The following EEF1AKMT1 variants were observed in gnomAD, a reference collection of about 807,000 sequenced individuals.
EEF1AKMT1 encodes EEF1A lysine methyltransferase 1.
A neutral mutation model predicts 21.0 loss-of-function variants in EEF1AKMT1; 18 were observed. That is an observed-to-expected ratio of 0.86 (90% confidence interval 0.59 to 1.27). The LOEUF (loss-of-function observed/expected upper bound fraction) is 1.27, where lower values mean the gene tolerates loss of function less well. EEF1AKMT1 is among the 50% of genes most tolerant of loss of function. EEF1AKMT1 has a pLI of 0.00. For missense variants in EEF1AKMT1, 246 were observed against 258.6 expected (o/e 0.95, Z 0.33); for synonymous variants, 109 against 94.8 (o/e 1.15, Z -0.87).
At chr13:20,761,257 T>C (rs777613132) in intron 1 of EEF1AKMT1, among the ~76,000 whole-genome samples, 2 of 152,196 alleles carry the variant, frequency 1.3e-5, no homozygotes, top group Non-Finnish European at 2.9e-5. Context: ...CACCTCAATC[T>C]CCATTCTTAA....
chr13:20,731,267 G>A (rs1461680212), intron 4 of EEF1AKMT1, among the ~76,000 whole-genome samples: 1 of 152,194 alleles, frequency 6.6e-6, no homozygotes. Context: ...CCACCTTGAA[G>A]TTCTCAGATT....
At chr13:20,747,267 C>A in intron 2 of EEF1AKMT1, 1 of 258,040 alleles carries the variant, frequency 3.9e-6, no homozygotes, top group Admixed American at 4.0e-5. Flanking sequence ...AGCTTCCTAG[C>A]AAGCCAGAGG....
At chr13:20,764,814 A>G (rs1455844291) in intron 1 of EEF1AKMT1, among the ~76,000 whole-genome samples, 1 of 147,098 alleles carries the variant, frequency 6.8e-6, no homozygotes, top group Non-Finnish European at 1.5e-5. Flanking sequence ...CCTGCTATCA[A>G]TAAAAGTGCT....
intron 2 of EEF1AKMT1, among the ~76,000 whole-genome samples, chr13:20,740,632 C>T (rs2058864285): frequency 6.6e-6 from 1 of 152,152 alleles, no homozygotes; most frequent in Non-Finnish European, 1.5e-5. Flanking sequence ...TGAGACCCTG[C>T]TTCTACTAAA....
chr13:20,738,710 A>T (rs1263199358), intron 2 of EEF1AKMT1, among the ~76,000 whole-genome samples: 2 of 152,254 alleles, frequency 1.3e-5, no homozygotes, highest in Non-Finnish European at 2.9e-5. Context: ...CATTACACTG[A>T]ACGAAAGAAA....
intron 3 of EEF1AKMT1, among the ~76,000 whole-genome samples, chr13:20,736,233 A>G (rs2058825508): frequency 6.6e-6 from 1 of 152,194 alleles, no homozygotes; most frequent in Admixed American, 6.5e-5. Context: ...CCTATAAGAA[A>G]TCAGAATGAT....
chr13:20,738,161 G>A (rs958351323), intron 2 of EEF1AKMT1, among the ~76,000 whole-genome samples: 1 of 152,148 alleles, frequency 6.6e-6, no homozygotes, highest in Non-Finnish European at 1.5e-5. Context: ...AAGCTTCTAG[G>A]TTCAACCAGC....
At chr13:20,758,353 A>G (rs2058981863) in intron 1 of EEF1AKMT1, among the ~76,000 whole-genome samples, 1 of 152,198 alleles carries the variant, frequency 6.6e-6, no homozygotes, top group Non-Finnish European at 1.5e-5. Context: ...GAATCTACCT[A>G]TGACCAGGAA....
intron 1 of EEF1AKMT1, among the ~76,000 whole-genome samples, chr13:20,759,667 T>C (rs1427984780): frequency 6.7e-6 from 1 of 149,224 alleles, no homozygotes; most frequent in African/African-American, 2.5e-5. Flanking sequence ...CATTAAAAAG[T>C]GGGCAAAGTA....
rs1003572590 is a variant in EEF1AKMT1, at chr13:20,728,840, C to A, written c.*240G>T. 9.3e-6 allele frequency: 5 copies of A among 540,142 alleles called. No homozygotes were observed. Among genetic ancestry groups the A allele is most frequent in the Middle Eastern group, 5.0e-4 (1 of 1,984 alleles). 33.5% of individuals were successfully genotyped at this position (540,142 alleles called of 1,614,324 possible). A position where few individuals can be genotyped will look rare whatever the true frequency, so the allele number is the denominator to read the frequency against. ...TGTTAAATGAGGAGAGAAGATCAGG[C>A]AGATTCTAAGGTTTCTTCCAACTCG... On this transcript the variant is annotated 3_prime_UTR_variant, in exon 5 of 5. Coordinates refer to ENST00000382758, the MANE Select transcript of EEF1AKMT1 (RefSeq NM_001318939.2).
rs777092668 is a variant in EEF1AKMT1, at chr13:20,732,108, TCA to T, written c.239_240del (p.Val80GlufsTer4). On this transcript the variant is annotated frameshift_variant, in exon 4 of 5. Transcript: ENST00000382758. LOFTEE classifies it high-confidence loss of function. ...AVGEGGRIAC[V>X]SAPSVYQKLR... Reference sequence around the variant, plus strand: ...AGTTTCTGGTAAACACTAGGGGCACTCACACATGCGATTCTAGGAGACAAAAT... The same window carrying T: ...AGTTTCTGGTAAACACTAGGGGCACTCACATGCGATTCTAGGAGACAAAAT... 6.2e-7 allele frequency: 1 copy of T among 1,610,344 alleles called. No individual in the cohort carries two copies.
intron 1 of EEF1AKMT1, among the ~76,000 whole-genome samples, chr13:20,760,608 T>C (rs2058996687): frequency 6.6e-6 from 1 of 152,108 alleles, no homozygotes; most frequent in South Asian, 2.1e-4. Flanking sequence ...CAATATTGGG[T>C]GATGGGTTCA....
rs1011741530 is a variant in EEF1AKMT1 at position 20,728,895 on chromosome 13, T to A, written c.*185A>T. 1.5e-6 allele frequency: 1 copy of A among 678,106 alleles called. No homozygotes were observed. The highest frequency in any genetic ancestry group is 2.5e-6 in the Non-Finnish European group (1 of 407,754). The allele number at this position is 678,106 out of a possible 1,614,324, so 42.0% of individuals were successfully genotyped here. A position where few individuals can be genotyped will look rare whatever the true frequency, so the allele number is the denominator to read the frequency against. ...CCATGGATTCAGGTTGGCAGAAGACTGAGCTCTAGGGACGCCCTCCCTAAG... is the reference window on the plus strand; with the variant it reads ...CCATGGATTCAGGTTGGCAGAAGACAGAGCTCTAGGGACGCCCTCCCTAAG... On this transcript the variant is annotated 3_prime_UTR_variant, in exon 5 of 5. Transcript: ENST00000382758.
chr13:20,750,258 A>G (rs1449887146), intron 2 of EEF1AKMT1, among the ~76,000 whole-genome samples: 3 of 152,162 alleles, frequency 2.0e-5, no homozygotes, highest in Admixed American at 6.5e-5. Context: ...ATTGTTAACT[A>G]TAGTCACCCT....
chr13:20,733,653 T>G (rs995444315), intron 3 of EEF1AKMT1, among the ~76,000 whole-genome samples: 1 of 152,184 alleles, frequency 6.6e-6, no homozygotes, highest in Non-Finnish European at 1.5e-5. Flanking sequence ...AGTGGGAATA[T>G]ATGCATATAG....
chr13:20,732,438 TCTC>T (rs2058803157), intron 3 of EEF1AKMT1, among the ~76,000 whole-genome samples: 1 of 152,178 alleles, frequency 6.6e-6, no homozygotes, highest in Non-Finnish European at 1.5e-5. Flanking sequence ...TTCAAGCTAT[TCTC>T]CTGCTATTCC....
chr13:20,730,265 G>A (rs972224482), intron 4 of EEF1AKMT1, among the ~76,000 whole-genome samples: 7 of 152,238 alleles, frequency 4.6e-5, no homozygotes, highest in African/African-American at 1.7e-4. Context: ...GTGAATAAGC[G>A]TGCAGGCAAC....
At chr13:20,737,382 T>C (rs141630958) in intron 3 of EEF1AKMT1, among the ~76,000 whole-genome samples, 2 of 152,136 alleles carry the variant, frequency 1.3e-5, no homozygotes, top group South Asian at 2.1e-4. Flanking sequence ...AATAAATACA[T>C]ACATACATAT....
At position 20,764,917 on chromosome 13, in the gene EEF1AKMT1, A is replaced by ACACACACACC. The variant is rs71087097; in HGVS notation, c.-19-7301_-19-7300insGGTGTGTGTG. On this transcript the variant is annotated intron_variant, in intron 1 of 4. Coordinates refer to ENST00000382758, the MANE Select transcript of EEF1AKMT1 (RefSeq NM_001318939.2). ...CACACACACACACACACACACACAC[A>ACACACACACC]CCCTAATTTTGAAGTGAGTTTCTTG... Among the ~76,000 whole-genome samples the ACACACACACC allele has an allele frequency of 8.2e-5, 12 of 146,394 alleles. No homozygotes were observed. In the East Asian group the frequency reaches 2.0e-3, roughly 24 times the overall value.
Sources: gnomAD v4.1 joint callset for allele counts (sites outside exome capture counted in the v4.1 genomes callset) on GRCh38, gnomAD v4.1.1 for gene constraint, MANE v1.5 for transcripts, NCBI Gene and HGNC (gene_info 2026-07-23, HGNC 2026-07-21) for gene names.